Variants in HMGA2 observed in about 807,000 individuals in gnomAD.
The protein encoded by HMGA2 is high mobility group AT-hook 2.
In HMGA2, 8 loss-of-function variants were observed where a neutral mutation model predicts 19.1. The ratio of observed to expected loss-of-function variants is 0.42; its 90% CI spans 0.25 to 0.76. The LOEUF (loss-of-function observed/expected upper bound fraction) is 0.76, where lower values mean the gene tolerates loss of function less well. HMGA2 is among the 30% of genes least tolerant of loss of function. The pLI is 0.28. For synonymous variants in HMGA2, 60 were observed against 48.8 expected, an observed-to-expected ratio of 1.23 and a Z score of -0.96; for missense variants, 109 against 136.3, an observed-to-expected ratio of 0.80 and a Z score of 1.00.
chr12:65,879,706 G>A (rs1348950009), intron 3 of HMGA2, among the ~76,000 whole-genome samples: 25 of 152,180 alleles, frequency 1.6e-4, no homozygotes, highest in Non-Finnish European at 4.4e-5. Flanking sequence ...AACAAAAACA[G>A]TAAACACTTT....
intron 3 of HMGA2, chr12:65,842,290 A>C: frequency 1.7e-6 from 1 of 586,566 alleles, no homozygotes; most frequent in Non-Finnish European, 3.1e-6. Context: ...ATTAAATGAG[A>C]TAATGCATGC....
chr12:65,961,649 C>T (rs531985973), intron 4 of HMGA2, among the ~76,000 whole-genome samples: 1 of 152,122 alleles, frequency 6.6e-6, no homozygotes, highest in Non-Finnish European at 1.5e-5. Flanking sequence ...ATTTACAGCT[C>T]GCTCAGTCTT....
chr12:65,859,512 C>G (rs1871934052), intron 3 of HMGA2: 1 of 152,198 alleles, frequency 6.6e-6, no homozygotes, highest in Non-Finnish European at 1.5e-5. Flanking sequence ...ATGGAAATAA[C>G]TAAGAGTAAA....
chr12:65,829,758 C>T (rs532612235), intron 2 of HMGA2, among the ~76,000 whole-genome samples: 8 of 152,038 alleles, frequency 5.3e-5, no homozygotes, highest in Admixed American at 1.3e-4. Flanking sequence ...CCATCGCCTC[C>T]GCTTCATTTT....
At chr12:65,962,346 A>G (rs1199891163) in intron 4 of HMGA2, among the ~76,000 whole-genome samples, 1 of 152,244 alleles carries the variant, frequency 6.6e-6, no homozygotes, top group Non-Finnish European at 1.5e-5. Flanking sequence ...AACAAATTCC[A>G]GAGCCATAAG....
At chr12:65,948,333 A>T (rs1444806122) in intron 3 of HMGA2, 2 of 152,346 alleles carry the variant, frequency 1.3e-5, no homozygotes, top group East Asian at 3.9e-4. Flanking sequence ...TCTAGTGGCC[A>T]GTCGTGTTTT....
intron 3 of HMGA2, among the ~76,000 whole-genome samples, chr12:65,933,086 C>T (rs1307604965): frequency 6.6e-6 from 1 of 151,866 alleles, no homozygotes; most frequent in Admixed American, 6.6e-5. Flanking sequence ...AGAAGTTCAG[C>T]TAGGATATTT....
intron 3 of HMGA2, chr12:65,915,450 C>G: frequency 7.2e-6 from 9 of 1,250,832 alleles, no homozygotes; most frequent in South Asian, 6.8e-5. Flanking sequence ...TACTCTCGTA[C>G]AGGGATCCAC....
chr12:65,939,557 T>C (rs1251977448), intron 3 of HMGA2, among the ~76,000 whole-genome samples: 2 of 152,206 alleles, frequency 1.3e-5, no homozygotes, highest in African/African-American at 4.8e-5. Flanking sequence ...GGTTTCACCA[T>C]GTTGGCCAGG....
intron 1 of HMGA2, chr12:65,826,951 TCC>T (rs1488172811): frequency 1.3e-5 from 2 of 152,208 alleles, no homozygotes; most frequent in African/African-American, 4.8e-5. Context: ...CAGGGAACCT[TCC>T]CGAATTCTCT....
intron 3 of HMGA2, among the ~76,000 whole-genome samples, chr12:65,862,210 A>C (rs1239842277): frequency 6.6e-6 from 1 of 152,110 alleles, no homozygotes; most frequent in African/African-American, 2.4e-5. Context: ...AGAGTTAACA[A>C]AAGAATAAGC....
chr12:65,824,962 C>G lies in HMGA2; in HGVS notation c.-309C>G. ...TTCCTTCTCCCTCGCTTCCCTCCTC[C>G]TCTTGCTACCTCCACCTCCACCGCC... On this transcript the variant is annotated 5_prime_UTR_variant, in exon 1 of 5. Transcript: ENST00000403681. 1 of 392,350 alleles carries G rather than the reference C, an allele frequency of 2.5e-6. No homozygotes were observed. 24.3% of individuals were successfully genotyped at this position (392,350 alleles called of 1,614,324 possible).
chr12:65,883,782 T>A (rs1396398218), intron 3 of HMGA2, among the ~76,000 whole-genome samples: 2 of 152,220 alleles, frequency 1.3e-5, no homozygotes, highest in Non-Finnish European at 2.9e-5. Context: ...AAAATCAATG[T>A]ACCAGTTGTT....
intron 3 of HMGA2, among the ~76,000 whole-genome samples, chr12:65,910,378 A>G (rs748157777): frequency 6.6e-6 from 1 of 152,240 alleles, no homozygotes; most frequent in African/African-American, 2.4e-5. Flanking sequence ...TATTGCAGTC[A>G]TGAACAATAG....
At chr12:65,927,851 G>A (rs940629900) in intron 3 of HMGA2, among the ~76,000 whole-genome samples, 21 of 149,322 alleles carry the variant, frequency 1.4e-4, no homozygotes, top group Non-Finnish European at 2.2e-4. Context: ...GTGTGTGTGT[G>A]TATATATATT....
At chr12:65,832,882 A>G (rs375886587) in intron 2 of HMGA2, among the ~76,000 whole-genome samples, 1 of 152,010 alleles carries the variant, frequency 6.6e-6, no homozygotes, top group Admixed American at 6.6e-5. Flanking sequence ...TATCATTGCT[A>G]TTGATTTTTA....
At chr12:65,862,498 G>A (rs1245434866) in intron 3 of HMGA2, among the ~76,000 whole-genome samples, 2 of 152,134 alleles carry the variant, frequency 1.3e-5, no homozygotes, top group Admixed American at 6.5e-5. Flanking sequence ...ATTTTTGAAA[G>A]TGCATTTAAA....
chr12:65,915,336 T>C lies in HMGA2; in HGVS notation c.250-36047T>C. 2.9e-6 allele frequency: 4 copies of C among 1,374,982 alleles called. No individual in the cohort carries two copies. In the South Asian group the frequency reaches 4.4e-5, roughly 15 times the overall value. The allele number at this position is 1,374,982 out of a possible 1,614,324, so 85.2% of individuals were successfully genotyped here. ...AAGATGTAGTTTCACTGCTACCCCA[T>C]ATGGCACCCTTGTACGAATTTGAAA... is the stretch of plus-strand genomic sequence containing the variant. On this transcript the variant is annotated intron_variant, in intron 3 of 4. Transcript: ENST00000403681.
intron 3 of HMGA2, among the ~76,000 whole-genome samples, chr12:65,869,832 CT>C (rs1234212824): frequency 6.6e-6 from 1 of 152,144 alleles, no homozygotes; most frequent in East Asian, 1.9e-4. Flanking sequence ...ATTAAAGTGA[CT>C]TGCACAGATA....
Sources: gnomAD v4.1 joint callset for allele counts (sites outside exome capture counted in the v4.1 genomes callset) on GRCh38, gnomAD v4.1.1 for gene constraint, MANE v1.5 for transcripts, NCBI Gene and HGNC (gene_info 2026-07-23, HGNC 2026-07-21) for gene names.